The following ZNF771 variants were observed in gnomAD, a reference collection of about 807,000 sequenced individuals.
ZNF771 encodes the protein zinc finger protein 771.
ZNF771 carries 10 observed loss-of-function variants against 27.6 expected under a neutral mutation model. That is an observed-to-expected ratio of 0.36 (90% CI 0.22 to 0.61). The LOEUF is 0.61. Ranked by LOEUF, ZNF771 falls within the 20% of genes least tolerant of loss-of-function variation. ZNF771 has a pLI of 0.70. For missense variants in ZNF771, 438 were observed against 503.7 expected (o/e 0.87, Z 1.25); for synonymous variants, 261 against 225.2 (o/e 1.16, Z -1.43).
chr16:30,409,375 T>G (rs932850931), intron 2 of ZNF771, among the ~76,000 whole-genome samples: 2 of 152,088 alleles, frequency 1.3e-5, no homozygotes, highest in Non-Finnish European at 2.9e-5. Flanking sequence ...TGGGGGTGGT[T>G]GGCAGGCCAC....
At position 30,418,680 on chromosome 16, in the gene ZNF771, G is replaced by A; in HGVS notation, c.*313G>A. The stretch of plus-strand genomic sequence containing the variant: ...CTCAGGTGCCAAGTGAGTTGTCAAG[G>A]AACCAAATGGGGATGTAAACCTAAA... On this transcript the variant is annotated 3_prime_UTR_variant, in exon 3 of 3. Transcript: ENST00000319296. 1 of 354,468 alleles carries A rather than the reference G, an allele frequency of 2.8e-6. No individual in the cohort carries two copies. Among genetic ancestry groups the A allele is most frequent in the Non-Finnish European group, 5.0e-6 (1 of 198,138 alleles). The allele number at this position is 354,468 out of a possible 1,614,324, so 22.0% of individuals were successfully genotyped here.
chr16:30,417,405 T>G, intron 2 of ZNF771, 150 bp from the exon 3 acceptor site: 1 of 408,646 alleles, frequency 2.4e-6, no homozygotes. Context: ...TCTCACTGGA[T>G]GCGCACAGCC....
chr16:30,410,606 AAC>A (rs2151123664), intron 2 of ZNF771, among the ~76,000 whole-genome samples: 1 of 152,188 alleles, frequency 6.6e-6, no homozygotes, highest in East Asian at 1.9e-4. Context: ...AGGAGGAGGA[AAC>A]AGCAAAAACA....
chr16:30,418,440 G>A lies in ZNF771; in HGVS notation c.*73G>A, dbSNP rs999817654. 6.8e-6 allele frequency: 9 copies of A among 1,325,590 alleles called. No homozygotes were observed. Among genetic ancestry groups the A allele is most frequent in the Non-Finnish European group, 8.7e-6 (9 of 1,033,252 alleles). The allele number at this position is 1,325,590 out of a possible 1,614,324, so 82.1% of individuals were successfully genotyped here. On this transcript the variant is annotated 3_prime_UTR_variant, in exon 3 of 3. Transcript: ENST00000319296. ...ACTAACCCAGGCTCCTCCTCGCCCCGGCCTCCGGGTCTGGGAAATTGAGGG... is the reference window on the plus strand; with the variant it reads ...ACTAACCCAGGCTCCTCCTCGCCCCAGCCTCCGGGTCTGGGAAATTGAGGG...
intron 2 of ZNF771, among the ~76,000 whole-genome samples, chr16:30,412,664 C>T (rs191689589): frequency 2.2e-4 from 33 of 152,228 alleles, no homozygotes; most frequent in Non-Finnish European, 3.7e-4. Flanking sequence ...TGGTGGCACA[C>T]CCCTGTAGCG....
At chr16:30,410,196 G>A (rs913647034) in intron 2 of ZNF771, among the ~76,000 whole-genome samples, 2 of 151,354 alleles carry the variant, frequency 1.3e-5, no homozygotes, top group African/African-American at 2.4e-5. Flanking sequence ...TCCACCTACC[G>A]GGTTCATGCC....
At chr16:30,407,756 A>C in intron 1 of ZNF771, 92 bp downstream of exon 1, 1 of 197,432 alleles carries the variant, frequency 5.1e-6, no homozygotes, top group Non-Finnish European at 1.0e-5. Flanking sequence ...GGCCCTGGGG[A>C]GTGACTCAGC....
At chr16:30,407,987 C>CGGG (rs1205134281) in intron 1 of ZNF771, 58 bp from the exon 2 acceptor site, 94 of 719,796 alleles carry the variant, frequency 1.3e-4, no homozygotes, top group Admixed American at 5.1e-4. Flanking sequence ...CCACGGTGGG[C>CGGG]GGGGGGGGGG....
chr16:30,418,466 G>C lies in ZNF771; in HGVS notation c.*99G>C. 3 of 1,238,136 alleles carry C rather than the reference G, an allele frequency of 2.4e-6. No individual in the cohort carries two copies. The highest frequency in any genetic ancestry group is 3.2e-6 in the Non-Finnish European group (3 of 951,522). 76.7% of individuals were successfully genotyped at this position (1,238,136 alleles called of 1,614,324 possible). On this transcript the variant is annotated 3_prime_UTR_variant, in exon 3 of 3. Coordinates refer to ENST00000319296, the MANE Select transcript of ZNF771 (RefSeq NM_001142305.2). ...GCCTCCGGGTCTGGGAAATTGAGGGGACGGCAGGCCCGGCTGCCCTGGAAC... is the reference window on the plus strand; with the variant it reads ...GCCTCCGGGTCTGGGAAATTGAGGGCACGGCAGGCCCGGCTGCCCTGGAAC...
At chr16:30,408,006 G>GT in intron 1 of ZNF771, 39 bp from the exon 2 acceptor site, 1 of 793,592 alleles carries the variant, frequency 1.3e-6, no homozygotes, top group South Asian at 1.7e-5. Flanking sequence ...GGGTGGGGGG[G>GT]GGCGGGTCCT....
At chr16:30,417,454 G>A in intron 2 of ZNF771, 101 bp from the exon 3 acceptor site, 1 of 796,896 alleles carries the variant, frequency 1.3e-6, no homozygotes, top group East Asian at 4.1e-5. Flanking sequence ...CTATTTCATA[G>A]ATGGGGAACT....
In ZNF771 at chr16:30,418,321, C is replaced by T. The variant is rs1292415803; in HGVS notation, c.908C>T (p.Thr303Met). 8 of 1,481,272 alleles carry T rather than the reference C, an allele frequency of 5.4e-6. No individual in the cohort carries two copies. Among genetic ancestry groups the T allele is most frequent in the Non-Finnish European group, 7.1e-6 (8 of 1,119,662 alleles). 91.8% of individuals were successfully genotyped at this position (1,481,272 alleles called of 1,614,324 possible). ...GRDFKLPPGA[T>M]AATATERCPE... ...GACTTCAAGCTGCCCCCTGGCGCCA[C>T]GGCCGCCACTGCCACCGAGCGTTGC... is the stretch of plus-strand genomic sequence containing the variant. Residue 303 changes from threonine (T) to methionine (M), a missense_variant, in exon 3 of 3, where the codon ACG (threonine) becomes ATG (methionine). Coordinates refer to ENST00000319296, the MANE Select transcript of ZNF771 (RefSeq NM_001142305.2).
At chr16:30,407,979 A>C in intron 1 of ZNF771, 66 bp from the exon 2 acceptor site, 10 of 927,026 alleles carry the variant, frequency 1.1e-5, no homozygotes, top group Non-Finnish European at 1.3e-5. Context: ...GGCCAGGGCC[A>C]CGGTGGGCGG....
chr16:30,418,761 T>C lies in ZNF771; in HGVS notation c.*394T>C. ...TTGGAGGTGATCGCACACTTGGCCC[T>C]TGGTTACGTCCTCATAACCTTAGAC... On this transcript the variant is annotated 3_prime_UTR_variant, in exon 3 of 3. Transcript: ENST00000319296. 1 of 210,206 alleles carries C rather than the reference T, an allele frequency of 4.8e-6. No homozygotes were observed. The highest frequency in any genetic ancestry group is 1.7e-4 in the South Asian group (1 of 5,988). 13.0% of individuals were successfully genotyped at this position (210,206 alleles called of 1,614,324 possible).
intron 2 of ZNF771, chr16:30,413,547 C>T: frequency 5.0e-6 from 2 of 402,346 alleles, no homozygotes; most frequent in Non-Finnish European, 9.9e-6. Flanking sequence ...CACCTTATAC[C>T]TCATGCTGGG....
In ZNF771 at chr16:30,411,875, G is replaced by A. The variant is rs915803681; in HGVS notation, c.141+3681G>A. Among the ~76,000 whole-genome samples, 3 of 152,180 alleles carry A rather than the reference G, an allele frequency of 2.0e-5. No individual in the cohort carries two copies. The East Asian group carries it at 5.8e-4, about 29-fold the overall frequency. On this transcript the variant is annotated intron_variant, in intron 2 of 2. Transcript: ENST00000319296. ...CAGTCCTGTGGCCAGTCACTGTCCA[G>A]AAGGGCCTTAATTACGCTGCATGCA...
chr16:30,414,600 T>C (rs1348225564), intron 2 of ZNF771: 3 of 152,246 alleles, frequency 2.0e-5, no homozygotes, highest in African/African-American at 7.2e-5. Flanking sequence ...ATAGATACTA[T>C]TTAAACCAGA....
intron 2 of ZNF771, among the ~76,000 whole-genome samples, 199 bp downstream of exon 2, chr16:30,408,393 T>C (rs2050088048): frequency 6.6e-6 from 1 of 152,166 alleles, no homozygotes; most frequent in Admixed American, 6.5e-5. Flanking sequence ...GGCTTCCTGC[T>C]GGGTGCAGGA....
At chr16:30,411,997 G>C (rs908152198) in intron 2 of ZNF771, among the ~76,000 whole-genome samples, 2 of 152,078 alleles carry the variant, frequency 1.3e-5, no homozygotes, top group East Asian at 1.9e-4. Flanking sequence ...TCTTTCCCTG[G>C]CTTGAACCCT....
Sources: gnomAD v4.1 joint callset for allele counts (sites outside exome capture counted in the v4.1 genomes callset) on GRCh38, gnomAD v4.1.1 for gene constraint, MANE v1.5 for transcripts, NCBI Gene and HGNC (gene_info 2026-07-23, HGNC 2026-07-21) for gene names.